FLI1: variants seen among roughly 807,000 people sequenced by gnomAD.
The protein encoded by FLI1 is Fli-1 proto-oncogene, ETS transcription factor, also known as Friend leukemia integration 1 transcription factor.
A neutral mutation model predicts 53.1 loss-of-function variants in FLI1; 13 were observed. The ratio of observed to expected loss-of-function variants is 0.24; its 90% confidence interval spans 0.16 to 0.39. The LOEUF (loss-of-function observed/expected upper bound fraction) is 0.39. Ranked by LOEUF, FLI1 falls within the 10% of genes least tolerant of loss-of-function variation. The pLI, the probability that FLI1 is intolerant of heterozygous loss-of-function variation, is 1.00. For synonymous variants in FLI1, 244 were observed against 236.7 expected (o/e 1.03, Z -0.28); for missense variants, 424 against 600.5 (o/e 0.71, Z 3.07).
intron 5 of FLI1, among the ~76,000 whole-genome samples, chr11:128,789,794 G>A (rs1400671984): frequency 6.6e-6 from 1 of 152,152 alleles, no homozygotes; most frequent in African/African-American, 2.4e-5. Context: ...TCTGGAACAT[G>A]TGTACCCAAA....
chr11:128,694,053 G>C, upstream of FLI1: 1 of 414,848 alleles, frequency 2.4e-6, no homozygotes, highest in Non-Finnish European at 4.3e-6. Flanking sequence ...TGAAAAAAAA[G>C]TTTCATCCGG....
chr11:128,759,621 A>G (rs1456688958), intron 2 of FLI1, among the ~76,000 whole-genome samples: 3 of 152,232 alleles, frequency 2.0e-5, no homozygotes, highest in African/African-American at 7.2e-5. Flanking sequence ...ACAGGAAAGA[A>G]TCAAAGGCGA....
At chr11:128,765,582 C>T (rs1012912245) in intron 2 of FLI1, among the ~76,000 whole-genome samples, 2 of 152,272 alleles carry the variant, frequency 1.3e-5, no homozygotes, top group Non-Finnish European at 2.9e-5. Flanking sequence ...CCTATGCCCT[C>T]TTGCTCTGGG....
chr11:128,768,355 T>G, intron 3 of FLI1, 83 bp downstream of exon 3: 2 of 1,524,096 alleles, frequency 1.3e-6, no homozygotes, highest in Non-Finnish European at 1.8e-6. Context: ...CTTTATCTGA[T>G]ACTCTATTCC....
At chr11:128,708,992 T>G (rs1938672090) in intron 1 of FLI1, among the ~76,000 whole-genome samples, 1 of 152,230 alleles carries the variant, frequency 6.6e-6, no homozygotes. Context: ...TTAGGAAGGC[T>G]GGCAGTAAAC....
Position 128,805,390 on chromosome 11 carries a change from G to A in FLI1, c.680G>A (p.Arg227Lys). The A allele has an allele frequency of 6.3e-7, 1 of 1,590,602 alleles. No individual in the cohort carries two copies. Among genetic ancestry groups the A allele is most frequent in the East Asian group, 2.2e-5 (1 of 44,488 alleles). The change falls in exon 6 of 9, where the codon AGA becomes AAA. Residue 227 changes from arginine (R) to lysine (K), a missense_variant. Arg to Lys is a conservative substitution (Grantham distance 26). Coordinates refer to ENST00000527786, the MANE Select transcript of FLI1 (RefSeq NM_002017.5). ...GACCCTTCTTATGACTCAGTCAGAA[G>A]AGGAGCTTGGGGCAATAACATGAAT... ...KEDPSYDSVR[R>K]GAWGNNMNSG...
intron 2 of FLI1, among the ~76,000 whole-genome samples, chr11:128,762,520 A>C (rs1222379486): frequency 6.6e-6 from 1 of 152,236 alleles, no homozygotes; most frequent in African/African-American, 2.4e-5. Flanking sequence ...AAAAAGTGTA[A>C]AATATCTCAT....
At chr11:128,772,639 T>C in intron 3 of FLI1, 143 bp from the exon 4 acceptor site, 1 of 704,188 alleles carries the variant, frequency 1.4e-6, no homozygotes, top group Non-Finnish European at 2.5e-6. Flanking sequence ...ATGAGTGTTC[T>C]AGGGGAACCA....
At chr11:128,756,260 C>G (rs1940855977) in intron 1 of FLI1, among the ~76,000 whole-genome samples, 1 of 152,198 alleles carries the variant, frequency 6.6e-6, no homozygotes, top group Admixed American at 6.5e-5. Context: ...AGGGTGCCAG[C>G]AGGGTTGGTT....
intron 1 of FLI1, among the ~76,000 whole-genome samples, chr11:128,754,485 A>G (rs1015243443): frequency 6.6e-6 from 1 of 152,248 alleles, no homozygotes; most frequent in Non-Finnish European, 1.5e-5. Flanking sequence ...AAGGCACAGA[A>G]GCATACCTGA....
intron 1 of FLI1, among the ~76,000 whole-genome samples, chr11:128,697,149 T>C (rs567904795): frequency 3.9e-5 from 6 of 152,286 alleles, no homozygotes; most frequent in African/African-American, 1.4e-4. Flanking sequence ...ATATTATCAG[T>C]GTTAAAAAGC....
chr11:128,722,109 A>G (rs1191779930), intron 1 of FLI1, among the ~76,000 whole-genome samples: 2 of 152,186 alleles, frequency 1.3e-5, no homozygotes, highest in Admixed American at 1.3e-4. Context: ...AATCCTTGCC[A>G]TGGGTTCACT....
At chr11:128,701,356 A>T (rs992923872) in intron 1 of FLI1, among the ~76,000 whole-genome samples, 5 of 152,184 alleles carry the variant, frequency 3.3e-5, no homozygotes, top group East Asian at 3.8e-4. Context: ...CTAAAACTCA[A>T]ATCAAATTTC....
In FLI1 at chr11:128,781,987, C is replaced by T; in HGVS notation, c.619C>T (p.His207Tyr). 5.6e-6 allele frequency: 9 copies of T among 1,613,912 alleles called. No homozygotes were observed. Among genetic ancestry groups the T allele is most frequent in the Non-Finnish European group, 7.6e-6 (9 of 1,179,832 alleles). ...ACTGCTGGCCTATAATACAACCTCCCACACCGACCAATCCTCACGATTGAG... is the reference window on the plus strand; with the variant it reads ...ACTGCTGGCCTATAATACAACCTCCTACACCGACCAATCCTCACGATTGAG... ...SSLLAYNTTS[H>Y]TDQSSRLSVK... The change falls in exon 5 of 9, where the codon CAC becomes TAC. Residue 207 changes from histidine to tyrosine, a missense_variant. His to Tyr is a moderately conservative substitution (Grantham distance 83). Coordinates refer to ENST00000527786, the MANE Select transcript of FLI1 (RefSeq NM_002017.5).
At chr11:128,724,200 C>A (rs1204421265) in intron 1 of FLI1, among the ~76,000 whole-genome samples, 1 of 152,128 alleles carries the variant, frequency 6.6e-6, no homozygotes, top group African/African-American at 2.4e-5. Flanking sequence ...CCGCCTTGGC[C>A]TCCCAAAGTG....
chr11:128,805,728 T>C, intron 6 of FLI1: 1 of 295,218 alleles, frequency 3.4e-6, no homozygotes, highest in Non-Finnish European at 6.2e-6. Flanking sequence ...GTCACTGGGT[T>C]TTGCTTTTGT....
intron 1 of FLI1, among the ~76,000 whole-genome samples, chr11:128,739,376 A>T (rs982346654): frequency 1.3e-5 from 2 of 152,308 alleles, no homozygotes; most frequent in Admixed American, 6.5e-5. Context: ...GTAGGTAGAG[A>T]GGGAAAGGGA....
intron 1 of FLI1, 94 bp from the exon 2 acceptor site, chr11:128,758,021 C>A: frequency 1.8e-6 from 2 of 1,094,930 alleles, no homozygotes; most frequent in Non-Finnish European, 1.3e-6. Context: ...TGTCCTGGGG[C>A]AGCCCTGGGC....
At chr11:128,743,866 T>C (rs534744343) in intron 1 of FLI1, among the ~76,000 whole-genome samples, 1 of 152,336 alleles carries the variant, frequency 6.6e-6, no homozygotes, top group Admixed American at 6.5e-5. Flanking sequence ...TCACAAAATA[T>C]CTACTTTTCC....
Sources: gnomAD v4.1 joint callset for allele counts (sites outside exome capture counted in the v4.1 genomes callset) on GRCh38, gnomAD v4.1.1 for gene constraint, MANE v1.5 for transcripts, NCBI Gene and HGNC (gene_info 2026-07-23, HGNC 2026-07-21) for gene names.